WASF1: variants seen among roughly 807,000 people sequenced by gnomAD.
WASF1 encodes actin-binding protein WASF1.
Under a neutral mutation model 50.5 loss-of-function variants are expected in WASF1, and 7 were observed. That is an observed-to-expected ratio of 0.14 (90% CI 0.08 to 0.26). WASF1 has a LOEUF of 0.26. WASF1 is among the 10% of genes least tolerant of loss of function. The pLI is 1.00. For synonymous variants in WASF1, 205 were observed against 244.0 expected (o/e 0.84, Z 1.49); for missense variants, 470 against 694.7 (o/e 0.68, Z 3.64).
At chr6:110,130,288 A>G (rs1415698603) in intron 3 of WASF1, among the ~76,000 whole-genome samples, 1 of 152,188 alleles carries the variant, frequency 6.6e-6, no homozygotes, top group East Asian at 1.9e-4. Context: ...GAAATAAAAT[A>G]TTGCCTGTAC....
chr6:110,104,679 C>T lies in WASF1; in HGVS notation c.713+728G>A, dbSNP rs186917666. Among the ~76,000 whole-genome samples the T allele has an allele frequency of 3.1e-3, 465 of 152,242 alleles. 1 individual carries two copies. The highest frequency in any genetic ancestry group is 8.9e-3 in the Admixed American group (136 of 15,296). On this transcript the variant is annotated intron_variant, in intron 8 of 10. Transcript: ENST00000392589. ...TGGCGTGTGCCTGTAATCCCAGCTA[C>T]TTGGGAGGCTGAGGTGGGAGAATCG...
At chr6:110,106,298 ACT>A (rs1474666432) in intron 7 of WASF1, among the ~76,000 whole-genome samples, 1 of 152,082 alleles carries the variant, frequency 6.6e-6, no homozygotes, top group Non-Finnish European at 1.5e-5. Context: ...CAAACAAAAC[ACT>A]CCCTACAGGC....
intron 2 of WASF1, among the ~76,000 whole-genome samples, chr6:110,177,610 T>A (rs1195027374): frequency 2.6e-5 from 4 of 152,108 alleles, no homozygotes; most frequent in Admixed American, 6.5e-5. Context: ...CATTTACATA[T>A]AAGGAAACCA....
intron 3 of WASF1, among the ~76,000 whole-genome samples, chr6:110,142,242 CACACATTTTGATGA>C (rs1366053925): frequency 6.6e-6 from 1 of 152,160 alleles, no homozygotes; most frequent in Non-Finnish European, 1.5e-5. Flanking sequence ...TATAAAATCA[CACACATTTTGATGA>C]AAGGAATGTA....
At chr6:110,165,075 G>A (rs1457955832) in intron 2 of WASF1, among the ~76,000 whole-genome samples, 1 of 151,450 alleles carries the variant, frequency 6.6e-6, no homozygotes, top group Non-Finnish European at 1.5e-5. Context: ...AGATTTTTGG[G>A]CACTGAAACT....
At chr6:110,106,462 G>T (rs1773330039) in intron 7 of WASF1, among the ~76,000 whole-genome samples, 1 of 152,200 alleles carries the variant, frequency 6.6e-6, no homozygotes, top group Admixed American at 6.5e-5. Context: ...GACAGAATTT[G>T]CCTCCTTCAT....
chr6:110,146,854 A>C (rs74614152), intron 3 of WASF1, among the ~76,000 whole-genome samples: 2,939 of 152,226 alleles, frequency 0.019, 94 homozygotes, highest in African/African-American at 0.068. Flanking sequence ...AGCAAACTTT[A>C]AAACTACTCA....
chr6:110,121,149 AC>A (rs1369900251), intron 4 of WASF1, among the ~76,000 whole-genome samples: 2 of 152,202 alleles, frequency 1.3e-5, no homozygotes, highest in Non-Finnish European at 2.9e-5. Context: ...TGACTAAAAC[AC>A]CAAAAGCAAT....
At chr6:110,136,194 G>A (rs530671441) in intron 3 of WASF1, among the ~76,000 whole-genome samples, 13 of 152,006 alleles carry the variant, frequency 8.6e-5, no homozygotes, top group South Asian at 2.1e-4. Flanking sequence ...AAAATGGTCC[G>A]TTATCTTAAT....
At chr6:110,160,161 T>C (rs1426031902) in intron 3 of WASF1, among the ~76,000 whole-genome samples, 4 of 151,822 alleles carry the variant, frequency 2.6e-5, no homozygotes, top group African/African-American at 9.7e-5. Context: ...AAAAACAGTA[T>C]AGTAAGAAAA....
intron 4 of WASF1, 146 bp from the exon 5 acceptor site, chr6:110,113,606 T>C (rs1159020102): frequency 9.5e-6 from 7 of 733,446 alleles, no homozygotes; most frequent in Non-Finnish European, 1.4e-5. Flanking sequence ...ATATTACAAC[T>C]GGTGACCTGT....
At chr6:110,142,669 A>G (rs1294985687) in intron 3 of WASF1, among the ~76,000 whole-genome samples, 1 of 152,064 alleles carries the variant, frequency 6.6e-6, no homozygotes, top group Non-Finnish European at 1.5e-5. Context: ...GCTAAAAGGT[A>G]TAATTTAATC....
chr6:110,110,590 T>C (rs1262834359), intron 5 of WASF1, among the ~76,000 whole-genome samples: 1 of 152,214 alleles, frequency 6.6e-6, no homozygotes, highest in Non-Finnish European at 1.5e-5. Context: ...CAGACTATTG[T>C]GGTGAAGCTC....
intron 3 of WASF1, among the ~76,000 whole-genome samples, chr6:110,147,998 T>C (rs140330782): frequency 6.6e-6 from 1 of 152,218 alleles, no homozygotes; most frequent in African/African-American, 2.4e-5. Flanking sequence ...CCTCCTGCCT[T>C]AGCCTTTCAA....
intron 2 of WASF1, among the ~76,000 whole-genome samples, chr6:110,170,670 T>TA (rs57889902): frequency 1.5e-4 from 22 of 147,610 alleles, no homozygotes; most frequent in East Asian, 5.9e-4. Context: ...CAGAGTAGAT[T>TA]AAAAAAAAAA....
At chr6:110,135,244 CATTT>C (rs1774894114) in intron 3 of WASF1, among the ~76,000 whole-genome samples, 1 of 152,088 alleles carries the variant, frequency 6.6e-6, no homozygotes, top group Non-Finnish European at 1.5e-5. Flanking sequence ...TTACTGAATT[CATTT>C]ATCAGTTCTA....
chr6:110,173,045 T>C (rs530752107), intron 2 of WASF1, among the ~76,000 whole-genome samples: 3 of 152,274 alleles, frequency 2.0e-5, no homozygotes, highest in African/African-American at 7.2e-5. Context: ...ATGCATGTTA[T>C]AAAAATTTAG....
At chr6:110,127,416 C>T in intron 4 of WASF1, 53 bp downstream of exon 4, 1 of 1,465,418 alleles carries the variant, frequency 6.8e-7, no homozygotes, top group Non-Finnish European at 9.1e-7. Context: ...TCTTAATACG[C>T]TAAAGCATAA....
rs766279287 is a variant in WASF1 at position 110,102,165 on chromosome 6, T to G, written c.945A>C (p.Arg315Ser). The G allele has an allele frequency of 6.8e-7, 1 of 1,465,850 alleles. No homozygotes were observed. The allele number at this position is 1,465,850 out of a possible 1,614,324, so 90.8% of individuals were successfully genotyped here. ...ENRPQSPATG[R>S]TPVFVSPTPP... is the part of the protein sequence containing the mutation. ...GAGTGGGGCTCACAAACACAGGTGT[T>G]CTGCCTGTAGCTGGTGACTGAGGGC... Residue 315 changes from arginine (R) to serine (S), a missense_variant, in exon 10 of 11, where the codon AGA (arginine) becomes AGC (serine). Physicochemically the swap from Arg to Ser is moderately radical, Grantham distance 110. Transcript: ENST00000392589.
Sources: allele counts gnomAD v4.1 joint callset (sites outside exome capture counted in the v4.1 genomes callset), GRCh38; gene constraint gnomAD v4.1.1; transcripts MANE v1.5; gene names NCBI Gene and HGNC (gene_info 2026-07-23, HGNC 2026-07-21).